The following GNAI3 variants were observed in gnomAD, a reference collection of about 807,000 sequenced individuals.
GNAI3 encodes G protein subunit alpha i3.
GNAI3 carries 12 observed loss-of-function variants against 41.8 expected under a neutral mutation model. The ratio of observed to expected loss-of-function variants is 0.29; its 90% CI spans 0.18 to 0.47. The LOEUF is 0.47. Ranked by LOEUF, GNAI3 falls within the 20% of genes least tolerant of loss-of-function variation. The pLI is 1.00. For synonymous variants in GNAI3, 132 were observed against 146.5 expected (o/e 0.90, Z 0.71); for missense variants, 360 against 429.6 (o/e 0.84, Z 1.43).
chr1:109,555,947 A>C (rs1648127325), intron 1 of GNAI3, among the ~76,000 whole-genome samples: 1 of 106,178 alleles, frequency 9.4e-6, no homozygotes. Flanking sequence ...CTCCTGGGGA[A>C]AGGAGTGCGT....
At chr1:109,578,961 T>A (rs1219571394) in intron 3 of GNAI3, among the ~76,000 whole-genome samples, 1 of 152,074 alleles carries the variant, frequency 6.6e-6, no homozygotes, top group Admixed American at 6.6e-5. Context: ...GGGATGGTGG[T>A]GTGTGGAGGA....
chr1:109,560,968 G>C (rs561099872), intron 1 of GNAI3, among the ~76,000 whole-genome samples: 1 of 152,286 alleles, frequency 6.6e-6, no homozygotes, highest in African/African-American at 2.4e-5. Context: ...TGTATTTCTT[G>C]AAGTTAGAAC....
At chr1:109,557,873 G>T (rs563814486) in intron 1 of GNAI3, among the ~76,000 whole-genome samples, 1 of 152,228 alleles carries the variant, frequency 6.6e-6, no homozygotes, top group East Asian at 1.9e-4. Context: ...GTTTTATAAG[G>T]TGACCCTTTC....
chr1:109,564,174 C>G (rs1196346666), intron 1 of GNAI3, among the ~76,000 whole-genome samples: 1 of 151,864 alleles, frequency 6.6e-6, no homozygotes, highest in Non-Finnish European at 1.5e-5. Flanking sequence ...AGAATCAGGC[C>G]GCAAGAACTG....
chr1:109,555,648 A>G lies in GNAI3; in HGVS notation c.118+6810A>G, dbSNP rs948384242. 8.5e-5 allele frequency among the ~76,000 whole-genome samples: 13 copies of G among 152,312 alleles called. No individual in the cohort carries two copies. In the South Asian group the frequency reaches 2.5e-3, roughly 29 times the overall value. ...ATGTAAGGTTCTAATAAGCGCTGCT[A>G]CTACGTTTCTTTAAAAAATAATTTT... On this transcript the variant is annotated intron_variant, in intron 1 of 8. Transcript: ENST00000369851.
At chr1:109,574,637 C>G (rs556526636) in intron 3 of GNAI3, among the ~76,000 whole-genome samples, 1 of 152,086 alleles carries the variant, frequency 6.6e-6, no homozygotes, top group South Asian at 2.1e-4. Context: ...CCCTGAAGAT[C>G]TAGTTTATAA....
rs142493321 is a variant in GNAI3 at position 109,587,698 on chromosome 1, C to T, written c.874+816C>T. On this transcript the variant is annotated intron_variant, in intron 7 of 8. Coordinates refer to ENST00000369851, the MANE Select transcript of GNAI3 (RefSeq NM_006496.4). Reference sequence around the variant, plus strand: ...GAGGGCCTTATATCTCATGCTGAGACGATGATCAGTTAAAGGTTTAATATC... The same window carrying T: ...GAGGGCCTTATATCTCATGCTGAGATGATGATCAGTTAAAGGTTTAATATC... 4.9e-4 allele frequency among the ~76,000 whole-genome samples: 74 copies of T among 152,096 alleles called. No homozygotes were observed. In the East Asian group the frequency reaches 0.012, roughly 26 times the overall value.
rs1170039489 is a variant in GNAI3, at chr1:109,592,917, T to C, written c.*595T>C. The C allele has an allele frequency of 2.0e-5, 3 of 152,668 alleles. No individual in the cohort carries two copies. Among genetic ancestry groups the C allele is most frequent in the African/African-American group, 7.2e-5 (3 of 41,456 alleles). The allele number at this position is 152,668 out of a possible 1,614,324, so 9.5% of individuals were successfully genotyped here. A position where few individuals can be genotyped will look rare whatever the true frequency, so the allele number is the denominator to read the frequency against. ...TACTGGGGCTATAAATACAACTTTTTAAATGAAATTTATGTTATTATCCTG... is the reference window on the plus strand; with the variant it reads ...TACTGGGGCTATAAATACAACTTTTCAAATGAAATTTATGTTATTATCCTG... On this transcript the variant is annotated 3_prime_UTR_variant, in exon 9 of 9. Coordinates refer to ENST00000369851, the MANE Select transcript of GNAI3 (RefSeq NM_006496.4).
rs1478603612 is a variant in GNAI3, at chr1:109,579,775, A to C, written c.461+414A>C. On this transcript the variant is annotated intron_variant, in intron 4 of 8. Coordinates refer to ENST00000369851, the MANE Select transcript of GNAI3 (RefSeq NM_006496.4). ...AGCCAGCTCTCTGTGTCTGGGCCGC[A>C]CTATGGACTTCACTAGTAACCCTTT... 2.6e-5 allele frequency among the ~76,000 whole-genome samples: 4 copies of C among 152,350 alleles called. No individual in the cohort carries two copies. In the East Asian group the frequency reaches 7.7e-4, roughly 29 times the overall value.
At chr1:109,564,554 A>C (rs575962399) in intron 1 of GNAI3, among the ~76,000 whole-genome samples, 1 of 152,296 alleles carries the variant, frequency 6.6e-6, no homozygotes, top group Admixed American at 6.5e-5. Context: ...ATGAAGCTCT[A>C]TAATGGTAGC....
chr1:109,548,683 A>C lies in GNAI3; in HGVS notation c.-38A>C, dbSNP rs377520206. ...GCCGAGCCGCAGTTTCCGTGGTGTGAGTGAGTCCGGGCCCGTGTCCCCTCT... is the reference window on the plus strand; with the variant it reads ...GCCGAGCCGCAGTTTCCGTGGTGTGCGTGAGTCCGGGCCCGTGTCCCCTCT... On this transcript the variant is annotated 5_prime_UTR_variant, in exon 1 of 9. Transcript: ENST00000369851. The C allele has an allele frequency of 2.1e-6, 3 of 1,424,596 alleles. No homozygotes were observed. Among genetic ancestry groups the C allele is most frequent in the East Asian group, 4.6e-5 (2 of 43,728 alleles). The allele number at this position is 1,424,596 out of a possible 1,614,324, so 88.2% of individuals were successfully genotyped here.
intron 5 of GNAI3, among the ~76,000 whole-genome samples, chr1:109,585,433 G>A (rs1649011898): frequency 6.6e-6 from 1 of 152,166 alleles, no homozygotes; most frequent in Non-Finnish European, 1.5e-5. Flanking sequence ...AGTAAGACTC[G>A]GAGTTTGGAA....
rs913978648 is a variant in GNAI3 at position 109,598,776 on chromosome 1, G to A, written c.*6454G>A. ...AAAGTTCCCTTCTGCAGTCTCCAGTGTCTTCTGACCTCACAGAAATGTTTT... is the reference window on the plus strand; with the variant it reads ...AAAGTTCCCTTCTGCAGTCTCCAGTATCTTCTGACCTCACAGAAATGTTTT... On this transcript the variant is annotated 3_prime_UTR_variant, in exon 9 of 9. Transcript: ENST00000369851. 6.9e-5 allele frequency: 31 copies of A among 446,678 alleles called. No homozygotes were observed. The highest frequency in any genetic ancestry group is 1.9e-4 in the Admixed American group (9 of 46,820). The allele number at this position is 446,678 out of a possible 1,614,324, so 27.7% of individuals were successfully genotyped here.
chr1:109,591,943 G>T (rs74919044), intron 7 of GNAI3, 100 bp from the exon 8 acceptor site: 3 of 611,590 alleles, frequency 4.9e-6, no homozygotes, highest in South Asian at 2.8e-5. Context: ...TATTTAATTG[G>T]GTTATGTTCC....
rs146662006 is a variant in GNAI3 at position 109,582,302 on chromosome 1, T to C, written c.462-135T>C. The C allele has an allele frequency of 8.7e-4, 508 of 582,192 alleles. 2 individuals are homozygous for C. The highest frequency in any genetic ancestry group is 5.8e-3 in the East Asian group (196 of 33,642). 36.1% of individuals were successfully genotyped at this position (582,192 alleles called of 1,614,324 possible). On this transcript the variant is annotated intron_variant, in intron 4 of 8. Coordinates refer to ENST00000369851, the MANE Select transcript of GNAI3 (RefSeq NM_006496.4). ...CACCATGCCTGGCTTATCATTTCTA[T>C]GATACTGAAGATCTGATTCTGTTTT...
At position 109,593,539 on chromosome 1, in the gene GNAI3, CTT is replaced by C. The variant is rs1649220991; in HGVS notation, c.*1220_*1221del. 1.3e-5 allele frequency: 2 copies of C among 152,636 alleles called. No homozygotes were observed. The highest frequency in any genetic ancestry group is 4.8e-5 in the African/African-American group (2 of 41,450). 9.5% of individuals were successfully genotyped at this position (152,636 alleles called of 1,614,324 possible). A position where few individuals can be genotyped will look rare whatever the true frequency, so the allele number is the denominator to read the frequency against. Reference sequence around the variant, plus strand: ...AGGTTTGCTCCTGTTTGTAACTAGTCTTTTCTGGAAATACTGTCTTCTGTTTC... The same window carrying C: ...AGGTTTGCTCCTGTTTGTAACTAGTCTTCTGGAAATACTGTCTTCTGTTTC... On this transcript the variant is annotated 3_prime_UTR_variant, in exon 9 of 9. Transcript: ENST00000369851.
chr1:109,571,013 A>G (rs1042620339), intron 1 of GNAI3, among the ~76,000 whole-genome samples: 2 of 152,200 alleles, frequency 1.3e-5, no homozygotes, highest in Non-Finnish European at 2.9e-5. Context: ...TTAACTATTT[A>G]TATTGCTTTA....
At chr1:109,582,614 A>AT in intron 5 of GNAI3, 49 bp downstream of exon 5, 2 of 1,398,162 alleles carry the variant, frequency 1.4e-6, no homozygotes, top group Non-Finnish European at 2.0e-6. Context: ...AGTATCTTTC[A>AT]TTTTAGTTTA....
chr1:109,588,690 C>A (rs1167500399), intron 7 of GNAI3, among the ~76,000 whole-genome samples: 1 of 152,190 alleles, frequency 6.6e-6, no homozygotes, highest in Admixed American at 6.5e-5. Flanking sequence ...GTCAAGAGAT[C>A]GAGACCATCC....
Sources: allele counts gnomAD v4.1 joint callset (sites outside exome capture counted in the v4.1 genomes callset), GRCh38; gene constraint gnomAD v4.1.1; transcripts MANE v1.5; gene names NCBI Gene and HGNC (gene_info 2026-07-23, HGNC 2026-07-21).